LRRC7: variants seen among roughly 807,000 people sequenced by gnomAD.
The protein encoded by LRRC7 is leucine-rich repeat-containing protein 7.
In LRRC7, 23 loss-of-function variants were observed where a neutral mutation model predicts 175.7. That is an observed-to-expected ratio of 0.13 (90% CI 0.09 to 0.19). The LOEUF (loss-of-function observed/expected upper bound fraction) is 0.19. LRRC7 is among the 10% of genes least tolerant of loss of function. LRRC7 has a pLI of 1.00. For synonymous variants in LRRC7, 685 were observed against 680.9 expected (o/e 1.01, Z -0.09); for missense variants, 1,354 against 1,904.7 (o/e 0.71, Z 5.38).
At chr1:70,106,692 AT>A (rs1437746173) in intron 25 of LRRC7, among the ~76,000 whole-genome samples, 7 of 152,034 alleles carry the variant, frequency 4.6e-5, no homozygotes, top group African/African-American at 1.7e-4. Flanking sequence ...TGCGCTCCCA[AT>A]CCCATCCACT....
chr1:70,105,307 C>G (rs1444879966), intron 25 of LRRC7, among the ~76,000 whole-genome samples: 1 of 152,086 alleles, frequency 6.6e-6, no homozygotes, highest in Non-Finnish European at 1.5e-5. Flanking sequence ...AAGCATCACT[C>G]CTGAGTGCCA....
intron 3 of LRRC7, among the ~76,000 whole-genome samples, chr1:69,763,102 A>G (rs1433618034): frequency 6.6e-6 from 1 of 152,018 alleles, no homozygotes; most frequent in Non-Finnish European, 1.5e-5. Context: ...CAAAAATGAA[A>G]GGAATAATGC....
chr1:69,919,427 A>T lies in LRRC7; in HGVS notation c.648-12080A>T. Reference sequence around the variant, plus strand: ...AGCCGCCCCTCAGGCCGAGGGTACTACTTCAACCACATCACTAACCCCAGC... The same window carrying T: ...AGCCGCCCCTCAGGCCGAGGGTACTTCTTCAACCACATCACTAACCCCAGC... On this transcript the variant is annotated intron_variant, in intron 7 of 26. Coordinates refer to ENST00000651989, the MANE Select transcript of LRRC7 (RefSeq NM_001370785.2). 8 of 906,992 alleles carry T rather than the reference A, an allele frequency of 8.8e-6. No homozygotes were observed. In the South Asian group the frequency reaches 1.0e-4, roughly 12 times the overall value. The allele number at this position is 906,992 out of a possible 1,614,324, so 56.2% of individuals were successfully genotyped here. A position where few individuals can be genotyped will look rare whatever the true frequency, so the allele number is the denominator to read the frequency against.
At chr1:69,816,944 C>T (rs1377209876) in intron 4 of LRRC7, among the ~76,000 whole-genome samples, 1 of 151,956 alleles carries the variant, frequency 6.6e-6, no homozygotes, top group Non-Finnish European at 1.5e-5. Flanking sequence ...TCTTCCAGGC[C>T]CATCCATGAT....
chr1:69,698,432 C>G (rs1570406214), intron 2 of LRRC7, among the ~76,000 whole-genome samples: 1 of 152,328 alleles, frequency 6.6e-6, no homozygotes, highest in East Asian at 1.9e-4. Context: ...TCTTCCAAAT[C>G]ATGCCCCAGA....
chr1:70,050,294 C>T (rs1021172389), intron 22 of LRRC7, among the ~76,000 whole-genome samples: 1 of 152,026 alleles, frequency 6.6e-6, no homozygotes, highest in Non-Finnish European at 1.5e-5. Flanking sequence ...AATGTTAAAT[C>T]CACAAATACC....
chr1:69,598,369 A>G (rs542661358), intron 1 of LRRC7, among the ~76,000 whole-genome samples: 2 of 152,244 alleles, frequency 1.3e-5, no homozygotes, highest in South Asian at 2.1e-4. Context: ...ATATATGAAT[A>G]TATATATTTA....
At chr1:69,832,217 AGGGTTATCAAACACAAT>A in intron 5 of LRRC7, among the ~76,000 whole-genome samples, 1 of 152,272 alleles carries the variant, frequency 6.6e-6, no homozygotes, top group Non-Finnish European at 1.5e-5. Flanking sequence ...AACACATACC[AGGGTTATCAAACACAAT>A]GGGAGAGGGA....
chr1:70,007,536 T>A (rs1382767718), intron 11 of LRRC7, among the ~76,000 whole-genome samples: 1 of 152,204 alleles, frequency 6.6e-6, no homozygotes, highest in Non-Finnish European at 1.5e-5. Flanking sequence ...TTTTGTATAA[T>A]GTAATATTAA....
intron 25 of LRRC7, among the ~76,000 whole-genome samples, chr1:70,093,597 T>C (rs1208666127): frequency 6.6e-6 from 1 of 152,148 alleles, no homozygotes; most frequent in Non-Finnish European, 1.5e-5. Context: ...ATTCTAATAT[T>C]GAGAGTATTA....
intron 7 of LRRC7, among the ~76,000 whole-genome samples, chr1:69,894,185 G>T (rs564429934): frequency 5.5e-4 from 84 of 152,226 alleles, no homozygotes; most frequent in African/African-American, 2.0e-3. Flanking sequence ...TTCTTTACAT[G>T]TATTAATTCA....
intron 24 of LRRC7, among the ~76,000 whole-genome samples, chr1:70,076,648 C>G (rs1342629989): frequency 6.6e-6 from 1 of 152,156 alleles, no homozygotes; most frequent in African/African-American, 2.4e-5. Flanking sequence ...GGTATATTTA[C>G]CAAGTCTGCT....
At chr1:69,948,772 A>G (rs1424341601) in intron 8 of LRRC7, among the ~76,000 whole-genome samples, 1 of 152,184 alleles carries the variant, frequency 6.6e-6, no homozygotes, top group Non-Finnish European at 1.5e-5. Context: ...AGGATTCTTA[A>G]GGCCTAAAGC....
intron 23 of LRRC7, among the ~76,000 whole-genome samples, chr1:70,067,581 C>G (rs1007481372): frequency 6.6e-6 from 1 of 152,086 alleles, no homozygotes; most frequent in Non-Finnish European, 1.5e-5. Flanking sequence ...TCACTCTATA[C>G]TTCTTTTCCA....
chr1:69,968,832 T>G (rs1651926481), intron 8 of LRRC7, among the ~76,000 whole-genome samples: 1 of 151,954 alleles, frequency 6.6e-6, no homozygotes, highest in Admixed American at 6.5e-5. Flanking sequence ...TTTTGTTTTT[T>G]TTTTGAGACA....
rs1384757554 is a variant in LRRC7, at chr1:70,132,690, C to G, written c.*10803C>G. On this transcript the variant is annotated 3_prime_UTR_variant, in exon 27 of 27. Transcript: ENST00000651989. ...GTTTCACCTTCTTGGCCAGGTTGGT[C>G]TTGAACTCCTGACCTCGTGATCCAC... Among the ~76,000 whole-genome samples, 4 of 152,008 alleles carry G rather than the reference C, an allele frequency of 2.6e-5. No homozygotes were observed. The highest frequency in any genetic ancestry group is 4.8e-5 in the African/African-American group (2 of 41,380).
At chr1:69,711,888 T>C (rs1482704229) in intron 2 of LRRC7, among the ~76,000 whole-genome samples, 2 of 152,162 alleles carry the variant, frequency 1.3e-5, no homozygotes, top group Admixed American at 1.3e-4. Context: ...CAAATGCAGC[T>C]TGGGCCACAG....
chr1:69,813,998 T>C (rs1678281398), intron 4 of LRRC7, among the ~76,000 whole-genome samples: 1 of 152,146 alleles, frequency 6.6e-6, no homozygotes, highest in African/African-American at 2.4e-5. Context: ...CATATGTATA[T>C]ATACAACAAA....
intron 2 of LRRC7, among the ~76,000 whole-genome samples, chr1:69,755,111 A>G (rs1670268331): frequency 1.3e-5 from 2 of 151,966 alleles, no homozygotes; most frequent in Admixed American, 6.6e-5. Flanking sequence ...TAAAAGGACA[A>G]TATAGTTCTG....
Sources: gnomAD v4.1 joint callset for allele counts (sites outside exome capture counted in the v4.1 genomes callset) on GRCh38, gnomAD v4.1.1 for gene constraint, MANE v1.5 for transcripts, NCBI Gene and HGNC (gene_info 2026-07-23, HGNC 2026-07-21) for gene names.